GRIN3A: variants seen among roughly 807,000 people sequenced by gnomAD.
GRIN3A encodes the protein glutamate ionotropic receptor NMDA type subunit 3A.
Under a neutral mutation model 92.4 loss-of-function variants are expected in GRIN3A, and 47 were observed. That is an observed-to-expected ratio of 0.51 (90% CI 0.40 to 0.65). The LOEUF (loss-of-function observed/expected upper bound fraction) is 0.65, where lower values mean the gene tolerates loss of function less well. Among genes scored for constraint, GRIN3A ranks in the 30% least tolerant of loss-of-function variants. GRIN3A has a pLI of 0.00. For synonymous variants in GRIN3A, 527 were observed against 540.6 expected (o/e 0.97, Z 0.35); for missense variants, 1,324 against 1,393.1 (o/e 0.95, Z 0.79).
chr9:101,671,285 A>G (rs1024104582), intron 2 of GRIN3A, among the ~76,000 whole-genome samples, 178 bp from the exon 3 acceptor site: 1 of 152,216 alleles, frequency 6.6e-6, no homozygotes, highest in Non-Finnish European at 1.5e-5. Context: ...TTATAGGAGT[A>G]AAGTCCTATT....
chr9:101,643,360 A>G (rs921709284), intron 3 of GRIN3A, among the ~76,000 whole-genome samples: 1 of 152,152 alleles, frequency 6.6e-6, no homozygotes, highest in Non-Finnish European at 1.5e-5. Context: ...TTATCACTGT[A>G]TACCTGTTAA....
At chr9:101,707,266 G>A (rs1039689383) in intron 1 of GRIN3A, among the ~76,000 whole-genome samples, 3 of 152,232 alleles carry the variant, frequency 2.0e-5, no homozygotes, top group African/African-American at 7.2e-5. Flanking sequence ...CTTTGTCCAT[G>A]ATAATGGTGT....
chr9:101,585,403 T>G (rs1827937236), intron 6 of GRIN3A, among the ~76,000 whole-genome samples: 1 of 152,178 alleles, frequency 6.6e-6, no homozygotes, highest in Non-Finnish European at 1.5e-5. Context: ...TGTCAATGAC[T>G]CCCAAGAGTT....
At chr9:101,661,970 A>T (rs551761756) in intron 3 of GRIN3A, among the ~76,000 whole-genome samples, 113 of 151,860 alleles carry the variant, frequency 7.4e-4, no homozygotes, top group Non-Finnish European at 1.2e-3. Flanking sequence ...AAATTTCTTT[A>T]TTAATTGTCG....
intron 3 of GRIN3A, among the ~76,000 whole-genome samples, chr9:101,652,047 C>T (rs578056420): frequency 1.4e-4 from 21 of 152,082 alleles, no homozygotes; most frequent in Non-Finnish European, 2.7e-4. Context: ...TAACAGATAA[C>T]TACAGAACAT....
chr9:101,694,428 T>C (rs1238575289), intron 1 of GRIN3A, among the ~76,000 whole-genome samples: 1 of 152,168 alleles, frequency 6.6e-6, no homozygotes, highest in Non-Finnish European at 1.5e-5. Context: ...ACAGGTTGAT[T>C]GTTGGTAATC....
At chr9:101,736,692 T>G (rs1258141842) in intron 1 of GRIN3A, among the ~76,000 whole-genome samples, 2 of 152,212 alleles carry the variant, frequency 1.3e-5, no homozygotes, top group African/African-American at 2.4e-5. Context: ...ACCACTCTTC[T>G]CTACCTATGG....
In GRIN3A at chr9:101,570,720, A is replaced by C. The variant is rs1827747862; in HGVS notation, c.*2454T>G. On this transcript the variant is annotated 3_prime_UTR_variant, in exon 9 of 9. Coordinates refer to ENST00000361820, the MANE Select transcript of GRIN3A (RefSeq NM_133445.3). ...AGGCAGGGCGATCTGGCATGTGATC[A>C]CCACTGCTCAGAATGCCTCACTAGA... The C allele has an allele frequency of 6.6e-6, 1 of 152,636 alleles. No individual in the cohort carries two copies. Among genetic ancestry groups the C allele is most frequent in the Non-Finnish European group, 1.5e-5 (1 of 68,050 alleles). The allele number at this position is 152,636 out of a possible 1,614,324, so 9.5% of individuals were successfully genotyped here. A position where few individuals can be genotyped will look rare whatever the true frequency, so the allele number is the denominator to read the frequency against.
intron 1 of GRIN3A, among the ~76,000 whole-genome samples, chr9:101,690,771 G>A (rs1046347117): frequency 6.6e-6 from 1 of 151,874 alleles, no homozygotes; most frequent in African/African-American, 2.4e-5. Flanking sequence ...GCACTAATAG[G>A]TACTAATAGG....
At chr9:101,608,725 A>T (rs1399971670) in intron 6 of GRIN3A, among the ~76,000 whole-genome samples, 1 of 152,224 alleles carries the variant, frequency 6.6e-6, no homozygotes, top group Non-Finnish European at 1.5e-5. Context: ...GAGCCTCAAA[A>T]TGCTCAAATA....
intron 1 of GRIN3A, among the ~76,000 whole-genome samples, chr9:101,697,664 A>T (rs190794167): frequency 6.6e-6 from 1 of 152,340 alleles, no homozygotes; most frequent in Admixed American, 6.5e-5. Context: ...TAGTTTCAAC[A>T]GTCCACCAGA....
chr9:101,679,001 C>T (rs914490840), intron 2 of GRIN3A, among the ~76,000 whole-genome samples: 1 of 152,220 alleles, frequency 6.6e-6, no homozygotes, highest in South Asian at 2.1e-4. Context: ...CCTGGTCACA[C>T]TGTGAAACAT....
intron 6 of GRIN3A, chr9:101,594,898 C>A (rs367897972): frequency 6.3e-7 from 1 of 1,599,906 alleles, no homozygotes; most frequent in Non-Finnish European, 8.5e-7. Context: ...ACATCTCCGC[C>A]GGGTAACTGG....
intron 3 of GRIN3A, among the ~76,000 whole-genome samples, chr9:101,646,280 T>C (rs1828936141): frequency 6.6e-6 from 1 of 151,912 alleles, no homozygotes; most frequent in African/African-American, 2.4e-5. Flanking sequence ...AGTTTTATTC[T>C]TCTCCATATG....
At chr9:101,658,821 A>G (rs1353493184) in intron 3 of GRIN3A, among the ~76,000 whole-genome samples, 1 of 150,994 alleles carries the variant, frequency 6.6e-6, no homozygotes, top group African/African-American at 2.4e-5. Context: ...GCTTGTATTC[A>G]GTTGTGATTG....
intron 2 of GRIN3A, among the ~76,000 whole-genome samples, chr9:101,675,940 C>T (rs991839353): frequency 6.6e-6 from 1 of 151,928 alleles, no homozygotes; most frequent in Non-Finnish European, 1.5e-5. Context: ...AAATAAAAAT[C>T]TTCCACTACA....
At chr9:101,586,887 CAT>C (rs1380953246) in intron 6 of GRIN3A, among the ~76,000 whole-genome samples, 1 of 152,222 alleles carries the variant, frequency 6.6e-6, no homozygotes, top group African/African-American at 2.4e-5. Context: ...GCCCCAAAGA[CAT>C]AGTCCCCTAG....
intron 1 of GRIN3A, among the ~76,000 whole-genome samples, chr9:101,704,032 T>C (rs1021576416): frequency 6.6e-6 from 1 of 152,206 alleles, no homozygotes; most frequent in Non-Finnish European, 1.5e-5. Context: ...AGGGCTTCCT[T>C]TAAAATGAGC....
intron 1 of GRIN3A, among the ~76,000 whole-genome samples, chr9:101,718,479 G>T (rs1829973181): frequency 6.6e-6 from 1 of 152,190 alleles, no homozygotes; most frequent in South Asian, 2.1e-4. Context: ...AGTACAAAGG[G>T]CAAGTGTTAG....
Sources: gnomAD v4.1 joint callset for allele counts (sites outside exome capture counted in the v4.1 genomes callset) on GRCh38, gnomAD v4.1.1 for gene constraint, MANE v1.5 for transcripts, NCBI Gene and HGNC (gene_info 2026-07-23, HGNC 2026-07-21) for gene names.